The following ROBO1 variants were observed in gnomAD, a reference collection of about 807,000 sequenced individuals.
The protein encoded by ROBO1 is roundabout homolog 1.
ROBO1 carries 149 observed loss-of-function variants against 195.9 expected under a neutral mutation model. The ratio of observed to expected loss-of-function variants is 0.76; its 90% confidence interval spans 0.67 to 0.87. The LOEUF is 0.87. ROBO1 is among the 40% of genes least tolerant of loss of function. The pLI is 0.00. For missense variants in ROBO1, 1,933 were observed against 2,068.3 expected, an observed-to-expected ratio of 0.93 and a Z score of 1.27; for synonymous variants, 816 against 733.2, an observed-to-expected ratio of 1.11 and a Z score of -1.82.
At chr3:79,048,289 T>C (rs1356648888) in intron 3 of ROBO1, among the ~76,000 whole-genome samples, 1 of 152,172 alleles carries the variant, frequency 6.6e-6, no homozygotes, top group Admixed American at 6.6e-5. Flanking sequence ...TCTCTGGTTA[T>C]TTTTCCTTAT....
At chr3:79,654,440 A>G (rs879294665) in intron 1 of ROBO1, among the ~76,000 whole-genome samples, 25 of 152,022 alleles carry the variant, frequency 1.6e-4, no homozygotes, top group Non-Finnish European at 3.7e-4. Flanking sequence ...AGAAAATTGA[A>G]TATCAGAAAA....
At chr3:79,535,315 C>G (rs538461651) in intron 2 of ROBO1, among the ~76,000 whole-genome samples, 5 of 152,234 alleles carry the variant, frequency 3.3e-5, no homozygotes, top group East Asian at 3.9e-4. Flanking sequence ...AGATTTTCCA[C>G]AACACTCTGC....
chr3:79,742,606 C>T (rs1346607424), intron 1 of ROBO1, among the ~76,000 whole-genome samples: 2 of 152,158 alleles, frequency 1.3e-5, no homozygotes, highest in East Asian at 1.9e-4. Flanking sequence ...GGTTCCCCAG[C>T]CTCACCTCCT....
intron 2 of ROBO1, among the ~76,000 whole-genome samples, chr3:79,386,609 A>G (rs1167095852): frequency 1.3e-5 from 2 of 152,140 alleles, no homozygotes; most frequent in South Asian, 2.1e-4. Context: ...GAGGGCTAAC[A>G]TGGATGAAAG....
At chr3:79,637,128 A>G (rs370829963) in intron 1 of ROBO1, among the ~76,000 whole-genome samples, 3 of 152,350 alleles carry the variant, frequency 2.0e-5, no homozygotes, top group South Asian at 2.1e-4. Flanking sequence ...GGGCAGCCCA[A>G]TGAACATTTC....
chr3:79,185,524 G>T (rs1031522544), intron 2 of ROBO1, among the ~76,000 whole-genome samples: 8 of 151,892 alleles, frequency 5.3e-5, no homozygotes, highest in Admixed American at 2.0e-4. Context: ...ATCATATTTT[G>T]ATTTCCTATT....
In ROBO1 at chr3:78,860,302, C is replaced by CTATATATA. The variant is rs1200780060; in HGVS notation, c.499+78291_499+78298dup. On this transcript the variant is annotated intron_variant, in intron 4 of 30. Coordinates refer to ENST00000464233, the MANE Select transcript of ROBO1 (RefSeq NM_002941.4). Reference sequence around the variant, plus strand: ...AATTTGAGAGGAAAATTGAAATATACTATATATATATATATATATATATAT... The same window carrying CTATATATA: ...AATTTGAGAGGAAAATTGAAATATACTATATATATATATATATATATATATATATATAT... Among the ~76,000 whole-genome samples the CTATATATA allele has an allele frequency of 3.8e-3, 394 of 104,700 alleles. 5 individuals are homozygous for CTATATATA. The highest frequency in any genetic ancestry group is 0.012 in the East Asian group (43 of 3,670). The allele number at this position is 104,700 out of a possible 152,430, so 68.7% of individuals were successfully genotyped here. A position where few individuals can be genotyped will look rare whatever the true frequency, so the allele number is the denominator to read the frequency against.
intron 3 of ROBO1, among the ~76,000 whole-genome samples, chr3:79,071,561 C>A (rs985501306): frequency 4.0e-4 from 61 of 151,684 alleles, no homozygotes; most frequent in Admixed American, 9.9e-4. Flanking sequence ...ATGGCAATTT[C>A]TTTTCCGTGG....
intron 3 of ROBO1, chr3:79,018,632 C>T (rs1428152451): frequency 2.1e-6 from 3 of 1,439,570 alleles, no homozygotes; most frequent in Non-Finnish European, 2.7e-6. Flanking sequence ...GGACGCTTGT[C>T]AGTATCTCAG....
intron 26 of ROBO1, among the ~76,000 whole-genome samples, chr3:78,619,680 C>A (rs2107415117): frequency 6.6e-6 from 1 of 151,956 alleles, no homozygotes; most frequent in Admixed American, 6.6e-5. Context: ...CAGAAAAGGG[C>A]ATTTGGCAAA....
At chr3:79,235,677 G>A (rs928117979) in intron 2 of ROBO1, among the ~76,000 whole-genome samples, 2 of 152,012 alleles carry the variant, frequency 1.3e-5, no homozygotes, top group Non-Finnish European at 2.9e-5. Context: ...GCCCAGTGCT[G>A]TTTCCTTTTC....
Position 79,175,602 on chromosome 3 carries a change from A to G in ROBO1, c.89-50063T>C, listed in dbSNP as rs112038390. 9.1e-4 allele frequency among the ~76,000 whole-genome samples: 138 copies of G among 152,372 alleles called. 1 individual carries two copies. The highest frequency in any genetic ancestry group is 3.2e-3 in the African/African-American group (133 of 41,588). ...ATAGCGCCTAAGATACTTGCTTATT[A>G]CAATTCTTACTGTAATACTCAGAAA... On this transcript the variant is annotated intron_variant, in intron 2 of 30. Coordinates refer to ENST00000464233, the MANE Select transcript of ROBO1 (RefSeq NM_002941.4).
At chr3:79,400,306 C>A (rs111712757) in intron 2 of ROBO1, among the ~76,000 whole-genome samples, 1 of 152,042 alleles carries the variant, frequency 6.6e-6, no homozygotes, top group African/African-American at 2.4e-5. Context: ...CACACACTTA[C>A]GCACACCAAG....
At chr3:79,001,735 A>G (rs1405422460) in intron 3 of ROBO1, among the ~76,000 whole-genome samples, 1 of 152,066 alleles carries the variant, frequency 6.6e-6, no homozygotes, top group Non-Finnish European at 1.5e-5. Flanking sequence ...AGAGCTTATC[A>G]CTATAATTTC....
At chr3:78,980,650 T>C (rs895406223) in intron 3 of ROBO1, among the ~76,000 whole-genome samples, 25 of 152,142 alleles carry the variant, frequency 1.6e-4, no homozygotes, top group African/African-American at 5.3e-4. Flanking sequence ...CATAGGAAAC[T>C]GGTTGAAAGA....
chr3:78,875,571 C>T (rs994412495), intron 4 of ROBO1, among the ~76,000 whole-genome samples: 2 of 151,928 alleles, frequency 1.3e-5, no homozygotes, highest in Non-Finnish European at 2.9e-5. Flanking sequence ...TGCATGCACT[C>T]GGAATAGCTT....
chr3:78,626,744 C>A (rs910882555), intron 26 of ROBO1, among the ~76,000 whole-genome samples: 3 of 131,028 alleles, frequency 2.3e-5, no homozygotes, highest in Non-Finnish European at 4.7e-5. Flanking sequence ...TAAGCACACA[C>A]AAGCACACAC....
chr3:78,923,911 T>C (rs1340628332), intron 4 of ROBO1, among the ~76,000 whole-genome samples: 1 of 152,094 alleles, frequency 6.6e-6, no homozygotes, highest in East Asian at 1.9e-4. Context: ...TGGTTAATAC[T>C]TGCATTTATA....
intron 4 of ROBO1, among the ~76,000 whole-genome samples, chr3:78,839,394 T>C (rs1576266636): frequency 6.6e-6 from 1 of 151,934 alleles, no homozygotes; most frequent in East Asian, 1.9e-4. Context: ...TTTTTTGGGT[T>C]TGTACTGAAT....
Sources: gnomAD v4.1 joint callset for allele counts (sites outside exome capture counted in the v4.1 genomes callset) on GRCh38, gnomAD v4.1.1 for gene constraint, MANE v1.5 for transcripts, NCBI Gene and HGNC (gene_info 2026-07-23, HGNC 2026-07-21) for gene names.